The following MARK2 variants were observed in gnomAD, a reference collection of about 807,000 sequenced individuals.
The protein encoded by MARK2 is microtubule affinity regulating kinase 2.
MARK2 carries 16 observed loss-of-function variants against 89.8 expected under a neutral mutation model. The ratio of observed to expected loss-of-function variants is 0.18; its 90% CI spans 0.12 to 0.27. MARK2 has a LOEUF of 0.27. Among genes scored for constraint, MARK2 ranks in the 10% least tolerant of loss-of-function variants. The pLI is 1.00. For missense variants in MARK2, 621 were observed against 1,049.9 expected (o/e 0.59, Z 5.65); for synonymous variants, 382 against 399.5 (o/e 0.96, Z 0.52).
intron 1 of MARK2, among the ~76,000 whole-genome samples, chr11:63,887,163 G>A (rs1939450496): frequency 6.6e-6 from 1 of 152,232 alleles, no homozygotes; most frequent in Non-Finnish European, 1.5e-5. Flanking sequence ...CCTAGCTTAT[G>A]GAGGAGGAGC....
chr11:63,891,645 G>A (rs1039839400), intron 1 of MARK2, among the ~76,000 whole-genome samples: 6 of 152,222 alleles, frequency 3.9e-5, no homozygotes, highest in African/African-American at 7.2e-5. Context: ...TTATATCCTC[G>A]GAGAAACAGG....
intron 1 of MARK2, among the ~76,000 whole-genome samples, chr11:63,879,604 A>T (rs1938972802): frequency 6.6e-6 from 1 of 151,830 alleles, no homozygotes; most frequent in Admixed American, 6.6e-5. Context: ...CAGGAGAAAG[A>T]TAGCACCTCT....
chr11:63,892,316 C>CCCTA (rs1330884935), intron 1 of MARK2, among the ~76,000 whole-genome samples: 2 of 152,176 alleles, frequency 1.3e-5, no homozygotes, highest in Admixed American at 6.5e-5. Flanking sequence ...CATGCAAAGG[C>CCCTA]CCTACGTGGG....
At chr11:63,887,791 G>A (rs1590635505) in intron 1 of MARK2, among the ~76,000 whole-genome samples, 1 of 152,210 alleles carries the variant, frequency 6.6e-6, no homozygotes, top group Admixed American at 6.5e-5. Flanking sequence ...TGCCCAGATA[G>A]TGGGGGCTTA....
intron 1 of MARK2, among the ~76,000 whole-genome samples, chr11:63,875,855 C>A (rs1554977835): frequency 6.6e-6 from 1 of 152,214 alleles, no homozygotes; most frequent in Non-Finnish European, 1.5e-5. Flanking sequence ...GCAGCACCAT[C>A]ACTTCCCTCC....
At chr11:63,846,969 A>T (rs1009733208) in intron 1 of MARK2, among the ~76,000 whole-genome samples, 38 of 152,214 alleles carry the variant, frequency 2.5e-4, no homozygotes, top group Non-Finnish European at 5.0e-4. Flanking sequence ...AAAAATTTTT[A>T]AAAAGTTACC....
At chr11:63,875,313 G>A (rs1300328479) in intron 1 of MARK2, among the ~76,000 whole-genome samples, 2 of 151,940 alleles carry the variant, frequency 1.3e-5, no homozygotes, top group Non-Finnish European at 2.9e-5. Context: ...TAGAGATGGG[G>A]TTACACCATG....
At chr11:63,861,775 CTTG>C (rs1937800779) in intron 1 of MARK2, among the ~76,000 whole-genome samples, 1 of 138,906 alleles carries the variant, frequency 7.2e-6, no homozygotes. Flanking sequence ...GAGTCTCGCT[CTTG>C]TTGTCCAGGC....
At chr11:63,866,213 G>A (rs1938120192) in intron 1 of MARK2, among the ~76,000 whole-genome samples, 1 of 152,002 alleles carries the variant, frequency 6.6e-6, no homozygotes. Flanking sequence ...TTAGCCAGGC[G>A]TGGTGGTGTG....
chr11:63,848,635 C>T (rs1358048818), intron 1 of MARK2, among the ~76,000 whole-genome samples: 1 of 151,490 alleles, frequency 6.6e-6, no homozygotes, highest in Admixed American at 6.6e-5. Context: ...ACTGCAAGCT[C>T]TGCCTCCCGG....
Position 63,904,087 on chromosome 11 carries a change from AC to A in MARK2, c.1620del (p.Asn541ThrfsTer75). 1 of 1,604,760 alleles carries A rather than the reference AC, an allele frequency of 6.2e-7. No homozygotes were observed. ...QHQKSMSASV[H>X]PNKASGLPPT... is the part of the protein sequence containing the mutation. ...CAGAAATCCATGTCGGCCTCCGTGC[AC>A]CCCAACAAGGCCTCTGGGCTGCCCC... On this transcript the variant is annotated frameshift_variant, in exon 15 of 19. Transcript: ENST00000402010. LOFTEE classifies it high-confidence loss of function. This position sits in a 1 kb window ranked among gnomAD's most constrained non-coding sequence, Gnocchi z 6.3.
Position 63,904,112 on chromosome 11 carries a change from C to G in MARK2, c.1641C>G (p.Pro547=). The change falls in exon 15 of 19, where the codon CCC becomes CCG. Residue 547 remains proline, a synonymous_variant. Coordinates refer to ENST00000402010, the MANE Select transcript of MARK2 (RefSeq NM_001039469.3). The surrounding 1 kb of genome is among the most constrained non-coding windows in gnomAD (Gnocchi z 6.3). ...ACCCCAACAAGGCCTCTGGGCTGCC[C>G]CCCACGGAGAGTAACTGTGAGGTGC... ...SVHPNKASGL[P]PTESNCEVPR... The G allele has an allele frequency of 6.3e-7, 1 of 1,598,842 alleles. No individual in the cohort carries two copies. The highest frequency in any genetic ancestry group is 8.5e-7 in the Non-Finnish European group (1 of 1,177,046).
At chr11:63,862,974 C>T (rs2135244277) in intron 1 of MARK2, among the ~76,000 whole-genome samples, 1 of 152,296 alleles carries the variant, frequency 6.6e-6, no homozygotes, top group East Asian at 1.9e-4. Context: ...CGTCTGTGTG[C>T]CACTTGCACA....
rs1554990158 is a variant in MARK2, at chr11:63,910,658, T to TTTA, written c.*1423_*1424insATT. ...TTTTTTATTATTTTATTTTATTTTTTTTTTTTTTGATTTATGATGACTCCA... is the reference window on the plus strand; with the variant it reads ...TTTTTTATTATTTTATTTTATTTTTTTTATTTTTTTTGATTTATGATGACTCCA... On this transcript the variant is annotated 3_prime_UTR_variant, in exon 19 of 19. Transcript: ENST00000402010. 4.0e-5 allele frequency: 6 copies of TTTA among 149,720 alleles called. No homozygotes were observed. The highest frequency in any genetic ancestry group is 1.9e-4 in the East Asian group (1 of 5,136). The allele number at this position is 149,720 out of a possible 1,614,324, so 9.3% of individuals were successfully genotyped here.
At chr11:63,864,253 CTATT>C (rs1481336317) in intron 1 of MARK2, among the ~76,000 whole-genome samples, 2 of 143,558 alleles carry the variant, frequency 1.4e-5, no homozygotes, top group East Asian at 2.1e-4. Flanking sequence ...CACGCCCAGC[CTATT>C]TATTTATTTT....
rs1941142296 is a variant in MARK2, at chr11:63,904,239, G to T, written c.1676+92G>T. ...TTTCTTCTTCCCACTTGGGGGTCCT[G>T]CTGTGTTCTTGTCATCTTAGCCACA... On this transcript the variant is annotated intron_variant, in intron 15 of 18. Coordinates refer to ENST00000402010, the MANE Select transcript of MARK2 (RefSeq NM_001039469.3). This position sits in a 1 kb window ranked among gnomAD's most constrained non-coding sequence, Gnocchi z 6.3. 1.3e-5 allele frequency: 15 copies of T among 1,186,142 alleles called. No individual in the cohort carries two copies. Among genetic ancestry groups the T allele is most frequent in the Non-Finnish European group, 1.7e-5 (15 of 865,838 alleles). 73.5% of individuals were successfully genotyped at this position (1,186,142 alleles called of 1,614,324 possible). A position where few individuals can be genotyped will look rare whatever the true frequency, so the allele number is the denominator to read the frequency against.
rs907592423 is a variant in MARK2, at chr11:63,886,197, G to C, written c.55-8962G>C. Among the ~76,000 whole-genome samples the C allele has an allele frequency of 4.6e-5, 7 of 151,890 alleles. No individual in the cohort carries two copies. The East Asian group carries it at 1.4e-3, about 29-fold the overall frequency. ...GCTGGAGTGCAGTGGCACGATCATA[G>C]CTCACTGTTACCTCCACCTCCTGGA... On this transcript the variant is annotated intron_variant, in intron 1 of 18. Transcript: ENST00000402010.
intron 1 of MARK2, among the ~76,000 whole-genome samples, chr11:63,893,700 A>G (rs564229750): frequency 6.6e-6 from 1 of 152,308 alleles, no homozygotes; most frequent in African/African-American, 2.4e-5. Context: ...CAAAAGCCAA[A>G]ATGCTCCAAA....
In MARK2 at chr11:63,863,956, ATTTAT is replaced by A. The variant is rs1451523951; in HGVS notation, c.54+24399_54+24403del. 2.6e-5 allele frequency among the ~76,000 whole-genome samples: 4 copies of A among 151,306 alleles called. No homozygotes were observed. In the South Asian group the frequency reaches 8.4e-4, roughly 32 times the overall value. On this transcript the variant is annotated intron_variant, in intron 1 of 18. Transcript: ENST00000402010. The stretch of plus-strand genomic sequence containing the variant: ...CCAGCTAATTTTTTTATTTTTATTT[ATTTAT>A]TTATTTTTTTGAGACTGAGTCTCGC...
Sources: allele counts gnomAD v4.1 joint callset (sites outside exome capture counted in the v4.1 genomes callset), GRCh38; gene constraint gnomAD v4.1.1; non-coding constraint Gnocchi (gnomAD v3.1); transcripts MANE v1.5; gene names NCBI Gene and HGNC (gene_info 2026-07-23, HGNC 2026-07-21).